DTNB: variants seen among roughly 807,000 people sequenced by gnomAD.
DTNB encodes DTN-B.
Under a neutral mutation model 90.7 loss-of-function variants are expected in DTNB, and 63 were observed. The observed-to-expected ratio is 0.69, with a 90% CI of 0.57 to 0.86. The LOEUF (loss-of-function observed/expected upper bound fraction) is 0.86. Ranked by LOEUF, DTNB falls within the 40% of genes least tolerant of loss-of-function variation. The probability of loss-of-function intolerance (pLI) is 0.00; values close to 1 mark genes in which losing one functional copy is unlikely to be tolerated. For synonymous variants in DTNB, 277 were observed against 286.7 expected (o/e 0.97, Z 0.34); for missense variants, 744 against 807.1 (o/e 0.92, Z 0.95).
At chr2:25,450,470 T>C (rs1316745252) in intron 12 of DTNB, among the ~76,000 whole-genome samples, 4 of 152,242 alleles carry the variant, frequency 2.6e-5, no homozygotes, top group African/African-American at 9.6e-5. Context: ...AGTCTTAATG[T>C]CAAGTAGGAT....
At chr2:25,521,648 G>A (rs922804332) in intron 9 of DTNB, among the ~76,000 whole-genome samples, 11 of 151,894 alleles carry the variant, frequency 7.2e-5, no homozygotes, top group African/African-American at 2.7e-4. Context: ...CACTCCCCTT[G>A]GCCTCCCAAA....
In DTNB at chr2:25,383,860, TCTC is replaced by T. The variant is rs2038648384; in HGVS notation, c.1852_1854del (p.Glu618del). On this transcript the variant is annotated inframe_deletion, in exon 19 of 21. Coordinates refer to ENST00000406818, the MANE Select transcript of DTNB (RefSeq NM_021907.5). ...CCTCTGTCTTTCCCATTCTGCATCT[TCTC>T]TTCTTCTTCCTCTGCACCTTCCTCT... The T allele has an allele frequency of 2.5e-6, 4 of 1,614,036 alleles. No individual in the cohort carries two copies. Among genetic ancestry groups the T allele is most frequent in the South Asian group, 1.1e-5 (1 of 91,082 alleles).
chr2:25,503,696 C>T (rs1381371794), intron 9 of DTNB, among the ~76,000 whole-genome samples: 3 of 151,780 alleles, frequency 2.0e-5, no homozygotes, highest in Admixed American at 6.6e-5. Context: ...GGGCGGATCA[C>T]GAGGTCAGGA....
At chr2:25,631,667 A>C (rs1026528633) in intron 3 of DTNB, among the ~76,000 whole-genome samples, 12 of 152,206 alleles carry the variant, frequency 7.9e-5, no homozygotes, top group African/African-American at 2.9e-4. Flanking sequence ...AACATATAAA[A>C]CAAAAATAAA....
intron 9 of DTNB, among the ~76,000 whole-genome samples, chr2:25,507,567 T>C (rs2072777461): frequency 1.3e-5 from 2 of 152,188 alleles, no homozygotes; most frequent in Admixed American, 1.3e-4. Context: ...ACATCCAATG[T>C]TCGTGTATCT....
At chr2:25,519,520 T>C (rs974017113) in intron 9 of DTNB, among the ~76,000 whole-genome samples, 2 of 152,142 alleles carry the variant, frequency 1.3e-5, no homozygotes, top group African/African-American at 4.8e-5. Flanking sequence ...AAGTACAAGT[T>C]GAGAATCCCT....
intron 3 of DTNB, among the ~76,000 whole-genome samples, chr2:25,634,877 T>G (rs2148795525): frequency 9.3e-6 from 1 of 108,024 alleles, no homozygotes; most frequent in African/African-American, 2.9e-5. Flanking sequence ...TTAAAAGTCA[T>G]CACCACTCCC....
intron 6 of DTNB, among the ~76,000 whole-genome samples, chr2:25,581,692 T>C (rs2148212613): frequency 6.6e-6 from 1 of 152,328 alleles, no homozygotes; most frequent in African/African-American, 2.4e-5. Flanking sequence ...TCCACAATAT[T>C]TCAAATTAAT....
chr2:25,604,563 T>C (rs2066659278), intron 5 of DTNB, among the ~76,000 whole-genome samples: 2 of 151,972 alleles, frequency 1.3e-5, no homozygotes, highest in South Asian at 2.1e-4. Context: ...TGTACTGCCA[T>C]GCCAAACTAA....
At chr2:25,388,416 A>C in intron 16 of DTNB, 55 bp from the exon 17 acceptor site, 4 of 1,537,508 alleles carry the variant, frequency 2.6e-6, no homozygotes, top group Non-Finnish European at 3.5e-6. Context: ...CTCTTTGAGG[A>C]AGGAAGAAAG....
chr2:25,662,680 AAACACACACACAC>A (rs2083467717), intron 1 of DTNB, among the ~76,000 whole-genome samples: 2 of 129,920 alleles, frequency 1.5e-5, no homozygotes, highest in African/African-American at 2.9e-5. Flanking sequence ...ACACACACAC[AAACACACACACAC>A]ACACACACAC....
intron 12 of DTNB, among the ~76,000 whole-genome samples, chr2:25,434,868 CTGT>C (rs1234239360): frequency 1.3e-5 from 2 of 152,068 alleles, no homozygotes; most frequent in Non-Finnish European, 2.9e-5. Flanking sequence ...TCACCAACAC[CTGT>C]TGTTTTATTT....
chr2:25,613,126 A>C (rs2069104974), intron 4 of DTNB, among the ~76,000 whole-genome samples: 1 of 151,916 alleles, frequency 6.6e-6, no homozygotes, highest in South Asian at 2.1e-4. Flanking sequence ...TTATTTATTT[A>C]TTTGTAGAGA....
chr2:25,584,901 T>C (rs575372531), intron 6 of DTNB, among the ~76,000 whole-genome samples: 26 of 152,294 alleles, frequency 1.7e-4, no homozygotes, highest in Admixed American at 1.6e-3. Context: ...ACTTAACCCA[T>C]ATAAATAAAA....
chr2:25,407,805 A>G (rs1036345618), intron 16 of DTNB, among the ~76,000 whole-genome samples: 11 of 152,174 alleles, frequency 7.2e-5, no homozygotes, highest in African/African-American at 2.4e-4. Flanking sequence ...AGGATAAAAA[A>G]CTACATATTG....
At chr2:25,480,300 G>A (rs537579283) in intron 10 of DTNB, among the ~76,000 whole-genome samples, 1 of 152,286 alleles carries the variant, frequency 6.6e-6, no homozygotes, top group Non-Finnish European at 1.5e-5. Flanking sequence ...CCTTTGGTCT[G>A]CTGGTCAGCC....
At chr2:25,600,450 G>C (rs911147812) in intron 5 of DTNB, among the ~76,000 whole-genome samples, 1 of 152,254 alleles carries the variant, frequency 6.6e-6, no homozygotes, top group African/African-American at 2.4e-5. Context: ...GCAGAAGAAA[G>C]ACGGGAAGAA....
At position 25,596,247 on chromosome 2, in the gene DTNB, G is replaced by A; in HGVS notation, c.449-7C>T. The A allele has an allele frequency of 6.3e-7, 1 of 1,594,772 alleles. No individual in the cohort carries two copies. Among genetic ancestry groups the A allele is most frequent in the Non-Finnish European group, 8.5e-7 (1 of 1,172,270 alleles). On this transcript the variant is annotated splice_region_variant and splice_polypyrimidine_tract_variant and intron_variant, in intron 5 of 20. Transcript: ENST00000406818. Reference sequence around the variant, plus strand: ...GACATCTGGGAGAAAACATCTATGAGAACAAAACCAAATAAAGTCAAGCTA... The same window carrying A: ...GACATCTGGGAGAAAACATCTATGAAAACAAAACCAAATAAAGTCAAGCTA...
intron 1 of DTNB, among the ~76,000 whole-genome samples, chr2:25,671,996 C>T (rs532065773): frequency 1.3e-5 from 2 of 152,006 alleles, no homozygotes; most frequent in East Asian, 3.9e-4. Flanking sequence ...ACAACACTAC[C>T]CTCTTCCTTC....
Sources: allele counts gnomAD v4.1 joint callset (sites outside exome capture counted in the v4.1 genomes callset), GRCh38; gene constraint gnomAD v4.1.1; transcripts MANE v1.5; gene names NCBI Gene and HGNC (gene_info 2026-07-23, HGNC 2026-07-21).